Variants in FBXL13 observed in about 807,000 individuals in gnomAD.
FBXL13 encodes F-box and leucine rich repeat protein 13.
In FBXL13, 67 loss-of-function variants were observed where a neutral mutation model predicts 83.6. That is an observed-to-expected ratio of 0.80 (90% CI 0.66 to 0.98). FBXL13 has a LOEUF of 0.98. Ranked by LOEUF, FBXL13 falls within the 50% of genes least tolerant of loss-of-function variation. The probability of loss-of-function intolerance (pLI) is 0.00; values close to 1 mark genes in which losing one functional copy is unlikely to be tolerated. For synonymous variants in FBXL13, 272 were observed against 299.5 expected, an observed-to-expected ratio of 0.91 and a Z score of 0.95; for missense variants, 822 against 866.5, an observed-to-expected ratio of 0.95 and a Z score of 0.64.
At chr7:102,851,616 A>G (rs1053581599) in intron 17 of FBXL13, among the ~76,000 whole-genome samples, 1 of 138,436 alleles carries the variant, frequency 7.2e-6, no homozygotes, top group African/African-American at 2.7e-5. Context: ...CTTTAGCTTC[A>G]GGTTTTTATG....
chr7:102,902,185 A>G (rs938306093), intron 11 of FBXL13, among the ~76,000 whole-genome samples: 2 of 152,160 alleles, frequency 1.3e-5, no homozygotes, highest in African/African-American at 4.8e-5. Context: ...CTGATGATCA[A>G]TAATGTTGAG....
At chr7:102,882,433 A>G (rs551088093) in intron 14 of FBXL13, among the ~76,000 whole-genome samples, 1 of 152,168 alleles carries the variant, frequency 6.6e-6, no homozygotes, top group Non-Finnish European at 1.5e-5. Flanking sequence ...TAAGAGTCTG[A>G]GCTACCCACT....
Position 102,941,505 on chromosome 7 carries a change from C to T in FBXL13, c.725-9572G>A, listed in dbSNP as rs78950262. Among the ~76,000 whole-genome samples, 897 of 152,234 alleles carry T rather than the reference C, an allele frequency of 5.9e-3. 2 individuals carry two copies. Among genetic ancestry groups the T allele is most frequent in the African/African-American group, 0.02 (834 of 41,518 alleles). On this transcript the variant is annotated intron_variant, in intron 8 of 19. Transcript: ENST00000313221. ...TGAGTAATAATAAAACTCTGGTCTCCCGCACAGCCAGCTCTGCATGAATTA... is the reference window on the plus strand; with the variant it reads ...TGAGTAATAATAAAACTCTGGTCTCTCGCACAGCCAGCTCTGCATGAATTA...
Position 103,050,736 on chromosome 7 carries a change from G to C in FBXL13, c.-1+4908C>G, listed in dbSNP as rs151287822. ...AAATTCAGGCGGCCACTTGTCAGTA[G>C]TGAAGGCATCTTTTCCAGCAATCCC... On this transcript the variant is annotated intron_variant, in intron 2 of 19. Transcript: ENST00000313221. 4.3e-3 allele frequency among the ~76,000 whole-genome samples: 660 copies of C among 152,346 alleles called. 3 individuals are homozygous for C. Among genetic ancestry groups the C allele is most frequent in the South Asian group, 0.017 (80 of 4,828 alleles).
chr7:102,851,484 T>TTCCTTCTTCTCCTTC (rs1805233724), intron 17 of FBXL13, among the ~76,000 whole-genome samples: 1 of 94,756 alleles, frequency 1.1e-5, no homozygotes, highest in Non-Finnish European at 2.0e-5. Context: ...TTTCTTCCCT[T>TTCCTTCTTCTCCTTC]TCCTTCTTCT....
intron 11 of FBXL13, among the ~76,000 whole-genome samples, chr7:102,906,642 C>T (rs920848687): frequency 6.6e-6 from 1 of 152,094 alleles, no homozygotes; most frequent in African/African-American, 2.4e-5. Context: ...AAGTTTTTTT[C>T]CTTCAGCATT....
chr7:102,842,272 G>C (rs1323061722), intron 17 of FBXL13, among the ~76,000 whole-genome samples: 1 of 152,190 alleles, frequency 6.6e-6, no homozygotes, highest in East Asian at 1.9e-4. Context: ...TGTAACCCTA[G>C]AGAAGAGGTG....
At chr7:103,013,445 C>T (rs918895778) in intron 6 of FBXL13, among the ~76,000 whole-genome samples, 3 of 152,062 alleles carry the variant, frequency 2.0e-5, no homozygotes, top group Non-Finnish European at 4.4e-5. Flanking sequence ...AGCTCACAGA[C>T]AATGCAATAA....
At chr7:103,011,361 G>C (rs1420151424) in intron 6 of FBXL13, among the ~76,000 whole-genome samples, 1 of 152,190 alleles carries the variant, frequency 6.6e-6, no homozygotes, top group Admixed American at 6.5e-5. Context: ...CAGGCCAGGC[G>C]TGGTGGCTCA....
intron 6 of FBXL13, among the ~76,000 whole-genome samples, chr7:103,018,878 G>C (rs1464464271): frequency 6.6e-6 from 1 of 151,882 alleles, no homozygotes; most frequent in Non-Finnish European, 1.5e-5. Context: ...ATAATAATGG[G>C]AGACTTTAAC....
At chr7:102,934,785 T>C (rs1819970955) in intron 8 of FBXL13, 3 of 1,086,466 alleles carry the variant, frequency 2.8e-6, no homozygotes. Flanking sequence ...GAATTCGTGA[T>C]GTCACTTCCA....
intron 8 of FBXL13, among the ~76,000 whole-genome samples, chr7:102,947,428 G>T (rs570107280): frequency 8.5e-5 from 13 of 152,324 alleles, no homozygotes; most frequent in African/African-American, 2.9e-4. Context: ...CATCAAAACA[G>T]AAATTAATCC....
At chr7:102,953,462 C>T (rs1342607040) in intron 8 of FBXL13, among the ~76,000 whole-genome samples, 2 of 151,994 alleles carry the variant, frequency 1.3e-5, no homozygotes, top group African/African-American at 4.8e-5. Flanking sequence ...ATCCCATCAC[C>T]CTTTTATAAT....
At chr7:102,912,969 T>C in intron 11 of FBXL13, 117 bp downstream of exon 12, 2 of 1,356,710 alleles carry the variant, frequency 1.5e-6, no homozygotes, top group Non-Finnish European at 2.0e-6. Flanking sequence ...ATTTAAAACC[T>C]CTGAAAAGTG....
At chr7:102,842,373 T>C (rs776245134) in intron 17 of FBXL13, among the ~76,000 whole-genome samples, 1 of 152,172 alleles carries the variant, frequency 6.6e-6, no homozygotes, top group African/African-American at 2.4e-5. Flanking sequence ...TAAAAAAAAA[T>C]GTTGCTACAT....
intron 18 of FBXL13, 146 bp from the exon 20 acceptor site, chr7:102,822,349 G>A (rs1213584013): frequency 1.2e-6 from 1 of 822,772 alleles, no homozygotes; most frequent in South Asian, 1.4e-5. Context: ...TCTAGAGGCT[G>A]GGAAGTCCAA....
chr7:102,916,272 C>T (rs1304484682), intron 10 of FBXL13, among the ~76,000 whole-genome samples: 1 of 152,190 alleles, frequency 6.6e-6, no homozygotes, highest in African/African-American at 2.4e-5. Flanking sequence ...TAGGCATTAA[C>T]CAGTGCAACT....
chr7:102,974,738 T>C (rs890976456), intron 6 of FBXL13, among the ~76,000 whole-genome samples: 16 of 152,122 alleles, frequency 1.1e-4, no homozygotes, highest in Middle Eastern at 3.4e-3. Flanking sequence ...CAGACTGCTG[T>C]CCATTCCTCT....
At chr7:102,960,733 C>T in intron 8 of FBXL13, among the ~76,000 whole-genome samples, 1 of 151,434 alleles carries the variant, frequency 6.6e-6, no homozygotes, top group East Asian at 1.9e-4. Flanking sequence ...AAGACAAAAA[C>T]CACATGATTA....
Sources: gnomAD v4.1 joint callset for allele counts (sites outside exome capture counted in the v4.1 genomes callset) on GRCh38, gnomAD v4.1.1 for gene constraint, MANE v1.5 for transcripts, NCBI Gene and HGNC (gene_info 2026-07-23, HGNC 2026-07-21) for gene names.